The following RAD18 variants were observed in gnomAD, a reference collection of about 807,000 sequenced individuals.
The protein encoded by RAD18 is E3 ubiquitin-protein ligase RAD18.
RAD18 carries 47 observed loss-of-function variants against 60.4 expected under a neutral mutation model. That is an observed-to-expected ratio of 0.78 (90% CI 0.62 to 0.99). RAD18 has a LOEUF of 0.99. Ranked by LOEUF, RAD18 falls within the 50% of genes least tolerant of loss-of-function variation. The pLI is 0.00. For missense variants in RAD18, 640 were observed against 593.3 expected (o/e 1.08, Z -0.82); for synonymous variants, 225 against 195.5 (o/e 1.15, Z -1.26).
At chr3:8,926,754 G>A (rs1212618489) in intron 7 of RAD18, among the ~76,000 whole-genome samples, 13 of 151,930 alleles carry the variant, frequency 8.6e-5, no homozygotes, top group Admixed American at 2.6e-4. Flanking sequence ...AAATAATGCC[G>A]CATATCTACG....
intron 7 of RAD18, among the ~76,000 whole-genome samples, chr3:8,935,643 C>G (rs910261071): frequency 2.0e-5 from 3 of 152,178 alleles, no homozygotes; most frequent in African/African-American, 7.2e-5. Context: ...ACATGAGAAA[C>G]TGGCAATGGG....
At chr3:8,943,329 T>C (rs1335927988) in intron 4 of RAD18, among the ~76,000 whole-genome samples, 1 of 38,354 alleles carries the variant, frequency 2.6e-5, no homozygotes, top group Non-Finnish European at 4.9e-5. Flanking sequence ...ATGATAAACA[T>C]GTTAAAGAAA....
chr3:8,908,350 G>A (rs1242848052), intron 9 of RAD18, among the ~76,000 whole-genome samples: 1 of 151,706 alleles, frequency 6.6e-6, no homozygotes, highest in East Asian at 1.9e-4. Flanking sequence ...AATGACAGAG[G>A]AGCCACCCCT....
At chr3:8,941,440 T>C (rs1186984282) in intron 5 of RAD18, 27 bp downstream of exon 5, 2 of 1,510,490 alleles carry the variant, frequency 1.3e-6, no homozygotes, top group Non-Finnish European at 1.8e-6. Flanking sequence ...GATGTCCATA[T>C]TTCCACATAT....
At chr3:8,890,003 G>C (rs1031408457) in intron 12 of RAD18, 2 of 187,036 alleles carry the variant, frequency 1.1e-5, no homozygotes, top group Non-Finnish European at 2.3e-5. Context: ...TAGCCTAGCA[G>C]CAATATGCTA....
chr3:8,958,044 C>G (rs1941039610), intron 2 of RAD18, among the ~76,000 whole-genome samples: 1 of 152,216 alleles, frequency 6.6e-6, no homozygotes, highest in Non-Finnish European at 1.5e-5. Flanking sequence ...ATGTGCCGGA[C>G]AGTGAGTTCT....
intron 7 of RAD18, among the ~76,000 whole-genome samples, chr3:8,919,777 G>T (rs1171431419): frequency 4.6e-5 from 7 of 152,136 alleles, no homozygotes; most frequent in Non-Finnish European, 1.0e-4. Flanking sequence ...TCAGGGCTGG[G>T]GCATGGAAGA....
chr3:8,933,907 T>C (rs141318345), intron 7 of RAD18, among the ~76,000 whole-genome samples: 275 of 152,308 alleles, frequency 1.8e-3, no homozygotes, highest in Admixed American at 2.9e-3. Flanking sequence ...AAATTACTCA[T>C]AAAGTACTTA....
At chr3:8,947,345 A>G in intron 3 of RAD18, 55 bp from the exon 4 acceptor site, 1 of 1,411,790 alleles carries the variant, frequency 7.1e-7, no homozygotes, top group Non-Finnish European at 1.0e-6. Context: ...TCAACTTGTC[A>G]TAATCTTGTT....
intron 11 of RAD18, among the ~76,000 whole-genome samples, chr3:8,892,298 A>G (rs1939705271): frequency 6.6e-6 from 1 of 152,222 alleles, no homozygotes; most frequent in Non-Finnish European, 1.5e-5. Flanking sequence ...GGTTTGGTAC[A>G]TGAACGTTAC....
intron 12 of RAD18, among the ~76,000 whole-genome samples, chr3:8,887,493 A>C (rs1248035154): frequency 6.6e-6 from 1 of 152,198 alleles, no homozygotes; most frequent in Non-Finnish European, 1.5e-5. Context: ...GTGAAGTAAC[A>C]CCAGGACCAT....
rs1209511744 is a variant in RAD18, at chr3:8,878,477, G to A, written c.*2880C>T. 1 of 152,120 alleles carries A rather than the reference G, an allele frequency of 6.6e-6. No individual in the cohort carries two copies. The highest frequency in any genetic ancestry group is 1.5e-5 in the Non-Finnish European group (1 of 68,030). 9.4% of individuals were successfully genotyped at this position (152,120 alleles called of 1,614,324 possible). On this transcript the variant is annotated 3_prime_UTR_variant, in exon 13 of 13. Coordinates refer to ENST00000264926, the MANE Select transcript of RAD18 (RefSeq NM_020165.4). ...AGAAGTGTTTCTCATTTGAATAATT[G>A]CTACTTTCTTTTATCGGATGCTAAG...
rs1939429228 is a variant in RAD18 at position 8,879,911 on chromosome 3, A to G, written c.*1446T>C. 6.6e-6 allele frequency: 1 copy of G among 152,210 alleles called. No individual in the cohort carries two copies. The highest frequency in any genetic ancestry group is 1.5e-5 in the Non-Finnish European group (1 of 68,032). The allele number at this position is 152,210 out of a possible 1,614,324, so 9.4% of individuals were successfully genotyped here. ...TTCCAGTTTAATTTATAGACTATAT[A>G]ATTTGTCATGAAACAAACAGTTTTC... On this transcript the variant is annotated 3_prime_UTR_variant, in exon 13 of 13. Coordinates refer to ENST00000264926, the MANE Select transcript of RAD18 (RefSeq NM_020165.4).
intron 12 of RAD18, among the ~76,000 whole-genome samples, chr3:8,884,462 A>G (rs945965230): frequency 6.6e-6 from 1 of 151,826 alleles, no homozygotes; most frequent in Non-Finnish European, 1.5e-5. Context: ...AACTTTCACC[A>G]TGTCAAATTT....
intron 9 of RAD18, among the ~76,000 whole-genome samples, chr3:8,902,953 G>C (rs1939939957): frequency 6.6e-6 from 1 of 151,808 alleles, no homozygotes; most frequent in African/African-American, 2.4e-5. Flanking sequence ...TTGAACCTGG[G>C]AGGCAGAGGT....
At chr3:8,896,594 G>A (rs1297182257) in intron 11 of RAD18, among the ~76,000 whole-genome samples, 1 of 152,184 alleles carries the variant, frequency 6.6e-6, no homozygotes, top group Non-Finnish European at 1.5e-5. Context: ...TTCTACCACA[G>A]AAGCACCATG....
At chr3:8,930,761 G>A (rs1226996605) in intron 7 of RAD18, among the ~76,000 whole-genome samples, 1 of 152,096 alleles carries the variant, frequency 6.6e-6, no homozygotes. Context: ...ACTTAATAGT[G>A]AAAGACTAAA....
intron 5 of RAD18, among the ~76,000 whole-genome samples, chr3:8,940,323 C>T (rs778662471): frequency 1.3e-5 from 2 of 151,558 alleles, no homozygotes; most frequent in East Asian, 1.9e-4. Flanking sequence ...TATGGTTTAT[C>T]GTAAAATTTC....
At chr3:8,889,614 C>T (rs1372259487) in intron 12 of RAD18, among the ~76,000 whole-genome samples, 2 of 152,128 alleles carry the variant, frequency 1.3e-5, no homozygotes, top group African/African-American at 2.4e-5. Flanking sequence ...GGTAGAGGGA[C>T]AAGTTCAAAG....
Sources: allele counts gnomAD v4.1 joint callset (sites outside exome capture counted in the v4.1 genomes callset), GRCh38; gene constraint gnomAD v4.1.1; transcripts MANE v1.5; gene names NCBI Gene and HGNC (gene_info 2026-07-23, HGNC 2026-07-21).